The following ANKRD6 variants were observed in gnomAD, a reference collection of about 807,000 sequenced individuals.
ANKRD6 encodes the protein ankyrin repeat domain 6.
Under a neutral mutation model 82.3 loss-of-function variants are expected in ANKRD6, and 56 were observed. The observed-to-expected ratio is 0.68, with a 90% CI of 0.55 to 0.85. The LOEUF is 0.85. Among genes scored for constraint, ANKRD6 ranks in the 40% least tolerant of loss-of-function variants. The pLI, the probability that ANKRD6 is intolerant of heterozygous loss-of-function variation, is 0.00. For synonymous variants in ANKRD6, 347 were observed against 352.1 expected (o/e 0.99, Z 0.16); for missense variants, 852 against 907.6 (o/e 0.94, Z 0.79).
At chr6:89,516,575 A>G (rs1203069316) in intron 1 of ANKRD6, among the ~76,000 whole-genome samples, 1 of 151,954 alleles carries the variant, frequency 6.6e-6, no homozygotes, top group Admixed American at 6.6e-5. Context: ...CCTGGGTTCA[A>G]GCGATTCTCC....
intron 2 of ANKRD6, chr6:89,568,173 T>A (rs773756981): frequency 6.6e-6 from 1 of 152,206 alleles, no homozygotes; most frequent in Non-Finnish European, 1.5e-5. Context: ...GATCTACCCA[T>A]AGCACTTTCC....
chr6:89,472,138 C>T (rs1310195847), intron 1 of ANKRD6, among the ~76,000 whole-genome samples: 1 of 151,914 alleles, frequency 6.6e-6, no homozygotes, highest in Non-Finnish European at 1.5e-5. Context: ...GGGTGGTCTC[C>T]CTATGTACAT....
chr6:89,508,536 A>G (rs1346530301), intron 1 of ANKRD6, among the ~76,000 whole-genome samples: 1 of 152,180 alleles, frequency 6.6e-6, no homozygotes, highest in East Asian at 1.9e-4. Flanking sequence ...TGTGGGGGGC[A>G]AAAAGGATTT....
chr6:89,631,135 CA>C lies in ANKRD6; in HGVS notation c.*133del. The C allele has an allele frequency of 2.2e-6, 3 of 1,390,214 alleles. No homozygotes were observed. The South Asian group carries it at 5.2e-5, about 24-fold the overall frequency. The allele number at this position is 1,390,214 out of a possible 1,614,324, so 86.1% of individuals were successfully genotyped here. A position where few individuals can be genotyped will look rare whatever the true frequency, so the allele number is the denominator to read the frequency against. ...CTTTTTAAAAAAATCACTAATTCTA[CA>C]ATGTGCCAGATACATGTTTCCTATG... On this transcript the variant is annotated 3_prime_UTR_variant, in exon 16 of 16. Transcript: ENST00000339746.
chr6:89,571,153 G>A (rs1277365196), intron 2 of ANKRD6, among the ~76,000 whole-genome samples: 2 of 152,072 alleles, frequency 1.3e-5, no homozygotes, highest in Non-Finnish European at 2.9e-5. Context: ...CCGGGTTCAC[G>A]CCATTCTCCT....
intron 1 of ANKRD6, among the ~76,000 whole-genome samples, chr6:89,500,817 C>T (rs913624419): frequency 5.3e-5 from 8 of 152,012 alleles, no homozygotes; most frequent in African/African-American, 9.7e-5. Flanking sequence ...GACTGTGGGC[C>T]GTAGTTTTAA....
chr6:89,446,352 C>T (rs887210485), intron 1 of ANKRD6, among the ~76,000 whole-genome samples: 1 of 151,872 alleles, frequency 6.6e-6, no homozygotes, highest in African/African-American at 2.4e-5. Flanking sequence ...AACTTTGTCT[C>T]TAAATAAATA....
In ANKRD6 at chr6:89,603,041, G is replaced by T; in HGVS notation, c.232G>T (p.Ala78Ser). Residue 78 changes from alanine to serine, a missense_variant, in exon 4 of 16, where the codon GCC becomes TCC. By Grantham distance (99) the Ala-to-Ser change is moderately conservative. Coordinates refer to ENST00000339746, the MANE Select transcript of ANKRD6 (RefSeq NM_001242809.2). ...TGTCACTTTGCAGGGGGACCAGACC[G>T]CCTTGCACCGGGCCACAGTGGTGGG... Reference protein sequence around the residue: ...LDVQDDGDQTALHRATVVGNT... With the variant: ...LDVQDDGDQTSLHRATVVGNT... 6.2e-7 allele frequency: 1 copy of T among 1,605,210 alleles called. No homozygotes were observed.
At chr6:89,470,753 A>G (rs1341479810) in intron 1 of ANKRD6, among the ~76,000 whole-genome samples, 2 of 151,902 alleles carry the variant, frequency 1.3e-5, no homozygotes, top group Non-Finnish European at 2.9e-5. Flanking sequence ...CTATCTTTAG[A>G]CTCTCTTTCC....
chr6:89,533,685 CT>C lies in ANKRD6; in HGVS notation c.-143-33148del, dbSNP rs571353055. Among the ~76,000 whole-genome samples, 213 of 151,868 alleles carry C rather than the reference CT, an allele frequency of 1.4e-3. 3 individuals carry two copies. The highest frequency in any genetic ancestry group is 4.8e-3 in the African/African-American group (200 of 41,378). On this transcript the variant is annotated intron_variant, in intron 1 of 15. Transcript: ENST00000339746. ...CTGATCTTTACAGGTGCTCCTTTGC[CT>C]CCAGCCATCACGAATGAGAGAGAGA... is the stretch of plus-strand genomic sequence containing the variant.
intron 2 of ANKRD6, among the ~76,000 whole-genome samples, chr6:89,578,365 G>A (rs938069332): frequency 2.3e-5 from 3 of 131,026 alleles, no homozygotes; most frequent in African/African-American, 5.9e-5. Flanking sequence ...GCCCAGTCTC[G>A]GCTCACTGTA....
At chr6:89,610,709 C>G (rs1800005256) in intron 5 of ANKRD6, among the ~76,000 whole-genome samples, 2 of 151,702 alleles carry the variant, frequency 1.3e-5, no homozygotes, top group Admixed American at 1.3e-4. Flanking sequence ...CCCCTTGTTG[C>G]TGAGAACTAA....
chr6:89,580,649 C>G (rs897877835), intron 2 of ANKRD6, among the ~76,000 whole-genome samples: 12 of 151,912 alleles, frequency 7.9e-5, no homozygotes, highest in Admixed American at 6.6e-4. Context: ...GACAAAACCT[C>G]ACTTCCACGA....
chr6:89,489,702 A>G (rs1381309471), intron 1 of ANKRD6, among the ~76,000 whole-genome samples: 1 of 152,222 alleles, frequency 6.6e-6, no homozygotes. Flanking sequence ...AGCTGGGGAT[A>G]CAGGAGCGAG....
chr6:89,576,740 A>T lies in ANKRD6; in HGVS notation c.120+9644A>T, dbSNP rs575724382. 1.1e-3 allele frequency among the ~76,000 whole-genome samples: 169 copies of T among 152,034 alleles called. 4 individuals are homozygous for T. The highest frequency in any genetic ancestry group is 1.3e-4 in the Non-Finnish European group (9 of 67,966). ...CTCTGCCTCCTGGTTTTCCTCCCCA[A>T]GGTGCCTTCTCCATCTCCTTTTGCT... On this transcript the variant is annotated intron_variant, in intron 2 of 15. Coordinates refer to ENST00000339746, the MANE Select transcript of ANKRD6 (RefSeq NM_001242809.2).
intron 1 of ANKRD6, among the ~76,000 whole-genome samples, chr6:89,458,144 T>A (rs1562544453): frequency 2.0e-5 from 3 of 152,188 alleles, no homozygotes; most frequent in Admixed American, 1.3e-4. Context: ...GTTTGTTGTT[T>A]AAGCCACTGA....
At chr6:89,507,802 T>C (rs1780053747) in intron 1 of ANKRD6, among the ~76,000 whole-genome samples, 1 of 152,206 alleles carries the variant, frequency 6.6e-6, no homozygotes. Context: ...CTATAAAATA[T>C]ATATAGTAAA....
At chr6:89,443,911 A>G (rs531145747) in intron 1 of ANKRD6, among the ~76,000 whole-genome samples, 9 of 152,372 alleles carry the variant, frequency 5.9e-5, no homozygotes, top group African/African-American at 2.2e-4. Flanking sequence ...GTGTGAGCTT[A>G]TCTACAGAGA....
chr6:89,609,528 C>T (rs890690522), intron 5 of ANKRD6, among the ~76,000 whole-genome samples: 1 of 151,850 alleles, frequency 6.6e-6, no homozygotes. Context: ...TTTTGAAATC[C>T]TGACCTCAGG....
Sources: gnomAD v4.1 joint callset for allele counts (sites outside exome capture counted in the v4.1 genomes callset) on GRCh38, gnomAD v4.1.1 for gene constraint, MANE v1.5 for transcripts, NCBI Gene and HGNC (gene_info 2026-07-23, HGNC 2026-07-21) for gene names.